Variants in PRKCQ observed in about 807,000 individuals in gnomAD.
PRKCQ encodes the protein protein kinase C theta.
PRKCQ carries 41 observed loss-of-function variants against 91.2 expected under a neutral mutation model. The ratio of observed to expected loss-of-function variants is 0.45; its 90% CI spans 0.35 to 0.58. The LOEUF (loss-of-function observed/expected upper bound fraction) is 0.58, where lower values mean the gene tolerates loss of function less well. PRKCQ is among the 20% of genes least tolerant of loss of function. The probability of loss-of-function intolerance (pLI) is 0.00; values close to 1 mark genes in which losing one functional copy is unlikely to be tolerated. For synonymous variants in PRKCQ, 307 were observed against 316.9 expected (o/e 0.97, Z 0.33); for missense variants, 673 against 896.5 (o/e 0.75, Z 3.18).
At chr10:6,575,099 A>G (rs1424623692) in intron 1 of PRKCQ, among the ~76,000 whole-genome samples, 1 of 152,256 alleles carries the variant, frequency 6.6e-6, no homozygotes, top group Non-Finnish European at 1.5e-5. Flanking sequence ...AGAGACAGAA[A>G]GGAAACTAGC....
chr10:6,528,268 T>C (rs1432152763), intron 1 of PRKCQ, among the ~76,000 whole-genome samples: 8 of 152,104 alleles, frequency 5.3e-5, no homozygotes, highest in Admixed American at 5.2e-4. Context: ...CAGTCACTCA[T>C]TTTTTGGTTA....
chr10:6,560,643 C>T (rs1588425488), intron 1 of PRKCQ, among the ~76,000 whole-genome samples: 1 of 152,260 alleles, frequency 6.6e-6, no homozygotes, highest in Non-Finnish European at 1.5e-5. Context: ...AATTGTTCAG[C>T]CTCTGAAAAT....
rs1200159637 is a variant in PRKCQ at position 6,515,040 on chromosome 10, G to A, written c.96C>T (p.Leu32=). 1.4e-5 allele frequency: 23 copies of A among 1,613,376 alleles called. No individual in the cohort carries two copies. Among genetic ancestry groups the A allele is most frequent in the Non-Finnish European group, 1.8e-5 (21 of 1,179,900 alleles). Residue 32 remains leucine (L), a synonymous_variant, in exon 2 of 18, where the codon CTC becomes CTT. Coordinates refer to ENST00000263125, the MANE Select transcript of PRKCQ (RefSeq NM_006257.5). ...TACCTGATTCGACATACTCTTTGAC[G>A]AGCACAGCACAGTAAGGGTTAACAG... The part of the protein sequence containing the change: ...GEAVNPYCAV[L]VKEYVESENG...
chr10:6,469,030 T>C (rs1004870525), intron 12 of PRKCQ, among the ~76,000 whole-genome samples: 7 of 152,240 alleles, frequency 4.6e-5, no homozygotes, highest in Non-Finnish European at 8.8e-5. Context: ...ATGTATTAAC[T>C]TTATCACATA....
chr10:6,460,842 C>CCCAT (rs1835288021), intron 14 of PRKCQ, among the ~76,000 whole-genome samples: 1 of 151,686 alleles, frequency 6.6e-6, no homozygotes, highest in Admixed American at 6.6e-5. Flanking sequence ...ATCCATCCAT[C>CCCAT]CCATCCATCC....
At chr10:6,514,550 T>C (rs1330197107) in intron 2 of PRKCQ, among the ~76,000 whole-genome samples, 1 of 152,256 alleles carries the variant, frequency 6.6e-6, no homozygotes, top group Non-Finnish European at 1.5e-5. Context: ...ATTTGGATTC[T>C]AATGGCTAAT....
At chr10:6,550,871 T>C (rs1389856767) in intron 1 of PRKCQ, among the ~76,000 whole-genome samples, 1 of 152,178 alleles carries the variant, frequency 6.6e-6, no homozygotes, top group Non-Finnish European at 1.5e-5. Flanking sequence ...CACCAACACT[T>C]GTTATTTTTT....
At chr10:6,515,201 G>T (rs776752712) in intron 1 of PRKCQ, 57 bp from the exon 2 acceptor site, 2 of 1,606,076 alleles carry the variant, frequency 1.2e-6, no homozygotes, top group Non-Finnish European at 1.7e-6. Flanking sequence ...ATTATTTTTG[G>T]TGCCCCATGT....
At chr10:6,496,773 C>T (rs748599310) in intron 7 of PRKCQ, among the ~76,000 whole-genome samples, 5 of 151,990 alleles carry the variant, frequency 3.3e-5, no homozygotes, top group Admixed American at 6.6e-5. Flanking sequence ...CTCCCGAATT[C>T]AAGAGATTCT....
chr10:6,427,100 C>CAAGT (rs1264529203), downstream of PRKCQ: 1 of 152,090 alleles, frequency 6.6e-6, no homozygotes, highest in Non-Finnish European at 1.5e-5. Flanking sequence ...ACAGCAGAAG[C>CAAGT]AAGTTCTTGT....
chr10:6,552,822 G>A (rs1278603895), intron 1 of PRKCQ, among the ~76,000 whole-genome samples: 3 of 152,042 alleles, frequency 2.0e-5, no homozygotes, highest in Non-Finnish European at 4.4e-5. Flanking sequence ...GAAAAACAAA[G>A]AGCTTTGGTT....
At chr10:6,536,943 T>C (rs1295896817) in intron 1 of PRKCQ, among the ~76,000 whole-genome samples, 1 of 152,152 alleles carries the variant, frequency 6.6e-6, no homozygotes, top group Non-Finnish European at 1.5e-5. Flanking sequence ...TACGGTGCCT[T>C]TGGAAGAATA....
intron 11 of PRKCQ, among the ~76,000 whole-genome samples, chr10:6,482,459 G>T (rs1836657041): frequency 6.6e-6 from 1 of 152,152 alleles, no homozygotes; most frequent in Non-Finnish European, 1.5e-5. Flanking sequence ...ATGCAGACAT[G>T]CACAGGAGGA....
intron 1 of PRKCQ, among the ~76,000 whole-genome samples, chr10:6,542,540 T>C (rs1935143968): frequency 6.6e-6 from 1 of 152,170 alleles, no homozygotes; most frequent in African/African-American, 2.4e-5. Context: ...TGATAGAAAC[T>C]GTAGAGACTT....
intron 12 of PRKCQ, among the ~76,000 whole-genome samples, chr10:6,475,626 G>A (rs1435908340): frequency 6.6e-6 from 1 of 152,144 alleles, no homozygotes; most frequent in Non-Finnish European, 1.5e-5. Flanking sequence ...GAAGTACATA[G>A]TTAATTTATC....
chr10:6,507,739 G>T (rs1022184123), intron 3 of PRKCQ, among the ~76,000 whole-genome samples: 1 of 152,216 alleles, frequency 6.6e-6, no homozygotes, highest in Non-Finnish European at 1.5e-5. Context: ...ACATAAGGAA[G>T]AAATAAAATC....
chr10:6,512,848 T>C (rs1261278726), intron 2 of PRKCQ, among the ~76,000 whole-genome samples: 2 of 152,062 alleles, frequency 1.3e-5, no homozygotes, highest in African/African-American at 4.8e-5. Flanking sequence ...AAACGTGGAA[T>C]AGAAAGGGGA....
Position 6,428,113 on chromosome 10 carries a change from C to CTT in PRKCQ, c.*92_*93dup. The CTT allele has an allele frequency of 6.6e-7, 1 of 1,511,574 alleles. No individual in the cohort carries two copies. The highest frequency in any genetic ancestry group is 9.1e-7 in the Non-Finnish European group (1 of 1,100,746). The allele number at this position is 1,511,574 out of a possible 1,614,324, so 93.6% of individuals were successfully genotyped here. On this transcript the variant is annotated 3_prime_UTR_variant, in exon 18 of 18. Transcript: ENST00000263125. ...AGTCTTTATTGTTGAGTGTTTCTTTCTTTTTCCAAGTTGAAAAAGGAACCC... is the reference window on the plus strand; with the variant it reads ...AGTCTTTATTGTTGAGTGTTTCTTTCTTTTTTTCCAAGTTGAAAAAGGAACCC...
chr10:6,466,933 C>A (rs2130721608), intron 12 of PRKCQ, among the ~76,000 whole-genome samples: 1 of 152,270 alleles, frequency 6.6e-6, no homozygotes, highest in South Asian at 2.1e-4. Flanking sequence ...CTATTTATAA[C>A]TCTGGAGACG....
Sources: allele counts gnomAD v4.1 joint callset (sites outside exome capture counted in the v4.1 genomes callset), GRCh38; gene constraint gnomAD v4.1.1; transcripts MANE v1.5; gene names NCBI Gene and HGNC (gene_info 2026-07-23, HGNC 2026-07-21).